UGT1A4: variants seen among roughly 807,000 people sequenced by gnomAD.
The protein encoded by UGT1A4 is UDP glucuronosyltransferase family 1 member A4.
Under a neutral mutation model 41.1 loss-of-function variants are expected in UGT1A4, and 32 were observed. The observed-to-expected ratio is 0.78, with a 90% confidence interval of 0.59 to 1.05. The LOEUF is 1.05. Among genes scored for constraint, UGT1A4 ranks in the 50% least tolerant of loss-of-function variants. The pLI, the probability that UGT1A4 is intolerant of heterozygous loss-of-function variation, is 0.00. For synonymous variants in UGT1A4, 283 were observed against 265.1 expected, an observed-to-expected ratio of 1.07 and a Z score of -0.66; for missense variants, 748 against 677.4, an observed-to-expected ratio of 1.10 and a Z score of -1.16.
rs1297970201 is a variant in UGT1A4, at chr2:233,751,288, T to C, written c.868-15746T>C. 1.2e-4 allele frequency among the ~76,000 whole-genome samples: 18 copies of C among 151,952 alleles called. 3 individuals are homozygous for C. Among genetic ancestry groups the C allele is most frequent in the African/African-American group, 4.4e-4 (18 of 41,184 alleles). Reference sequence around the variant, plus strand: ...CCTTTTTTTGGCCAGTTTCTCCCATTTGGAATGGGAATATTTACCCAATTT... The same window carrying C: ...CCTTTTTTTGGCCAGTTTCTCCCATCTGGAATGGGAATATTTACCCAATTT... On this transcript the variant is annotated intron_variant, in intron 1 of 4. Transcript: ENST00000373409.
At chr2:233,730,685 C>T (rs917184684) in intron 1 of UGT1A4, among the ~76,000 whole-genome samples, 1 of 152,042 alleles carries the variant, frequency 6.6e-6, no homozygotes, top group Admixed American at 6.6e-5. Flanking sequence ...GGTTGCATCT[C>T]AAATGATTCT....
chr2:233,752,937 C>A (rs1656534777), intron 1 of UGT1A4, among the ~76,000 whole-genome samples: 1 of 152,230 alleles, frequency 6.6e-6, no homozygotes, highest in African/African-American at 2.4e-5. Flanking sequence ...CCACTCTTTG[C>A]TGACCACTGA....
intron 1 of UGT1A4, among the ~76,000 whole-genome samples, chr2:233,765,988 G>A (rs909645564): frequency 6.6e-6 from 1 of 152,138 alleles, no homozygotes; most frequent in Non-Finnish European, 1.5e-5. Flanking sequence ...AGCTCCTGAA[G>A]CTCCAGTGGG....
intron 1 of UGT1A4, among the ~76,000 whole-genome samples, chr2:233,749,604 A>G (rs7556676): frequency 0.45 from 68,782 of 151,558 alleles, 16,251 homozygotes; most frequent in South Asian, 0.58. Flanking sequence ...GTCACACTAG[A>G]TTTATCATGA....
rs1047777533 is a variant in UGT1A4 at position 233,760,225 on chromosome 2, G to T, written c.868-6809G>T. ...AAACATTAACTTGGTGTATCGATTG[G>T]TTTTTGCCATATATATATATATAAG... On this transcript the variant is annotated intron_variant, in intron 1 of 4. Coordinates refer to ENST00000373409, the MANE Select transcript of UGT1A4 (RefSeq NM_007120.3). 3.2e-6 allele frequency: 5 copies of T among 1,585,120 alleles called. No individual in the cohort carries two copies. The African/African-American group carries it at 4.5e-5, about 14-fold the overall frequency.
intron 1 of UGT1A4, chr2:233,743,466 A>C (rs1692304653): frequency 7.3e-7 from 1 of 1,366,560 alleles, no homozygotes; most frequent in South Asian, 1.1e-5. Flanking sequence ...AAACACCCCC[A>C]AAAGCTGGAA....
chr2:233,765,082 C>T (rs2741017), intron 1 of UGT1A4, among the ~76,000 whole-genome samples: 1 of 152,198 alleles, frequency 6.6e-6, no homozygotes, highest in South Asian at 2.1e-4. Context: ...TGTCTCACAT[C>T]TAGGGTGACC....
chr2:233,721,880 C>A, intron 1 of UGT1A4: 1 of 494,092 alleles, frequency 2.0e-6, no homozygotes, highest in Admixed American at 2.1e-5. Flanking sequence ...CTTGCCAGCC[C>A]CTCCATTGCA....
chr2:233,729,508 T>C (rs1302187819), intron 1 of UGT1A4: 3 of 1,614,204 alleles, frequency 1.9e-6, no homozygotes, highest in African/African-American at 1.3e-5. Flanking sequence ...TCATAGGTCT[T>C]GTGTGGAGCT....
intron 1 of UGT1A4, among the ~76,000 whole-genome samples, chr2:233,722,679 C>T (rs2125688631): frequency 6.6e-6 from 1 of 152,152 alleles, no homozygotes; most frequent in African/African-American, 2.4e-5. Flanking sequence ...GTAAAAATTG[C>T]TGTTCTTTTC....
At chr2:233,754,973 G>T in intron 1 of UGT1A4, 1 of 1,299,560 alleles carries the variant, frequency 7.7e-7, no homozygotes, top group Non-Finnish European at 1.0e-6. Flanking sequence ...ACTCCCTGAA[G>T]ACCTCGGCGG....
intron 1 of UGT1A4, 27 bp from the exon 2 acceptor site, chr2:233,767,007 A>T: frequency 6.2e-7 from 1 of 1,613,842 alleles, no homozygotes; most frequent in Non-Finnish European, 8.5e-7. Flanking sequence ...AGAAAAAATT[A>T]ACTGAAAATT....
intron 1 of UGT1A4, among the ~76,000 whole-genome samples, chr2:233,765,573 A>C (rs1448763178): frequency 2.6e-5 from 4 of 152,132 alleles, no homozygotes; most frequent in Admixed American, 6.5e-5. Context: ...GCGTAGACGC[A>C]GGGAGGGGAA....
intron 1 of UGT1A4, among the ~76,000 whole-genome samples, chr2:233,726,759 A>G (rs763773622): frequency 6.6e-6 from 1 of 152,232 alleles, no homozygotes; most frequent in South Asian, 2.1e-4. Flanking sequence ...TGCCTACCAC[A>G]GACACTAAGC....
chr2:233,769,558 G>A lies in UGT1A4; in HGVS notation c.1307+1119G>A. On this transcript the variant is annotated intron_variant, in intron 4 of 4. Coordinates refer to ENST00000373409, the MANE Select transcript of UGT1A4 (RefSeq NM_007120.3). This position sits in a 1 kb window ranked among gnomAD's most constrained non-coding sequence, Gnocchi z 4.4. ...AGAAGCAGCAGTCAGGAAGACAGAT[G>A]TGAAGAGCTGGAGCATGTTCAGATG... 2 of 1,612,872 alleles carry A rather than the reference G, an allele frequency of 1.2e-6. No individual in the cohort carries two copies. The highest frequency in any genetic ancestry group is 1.7e-6 in the Non-Finnish European group (2 of 1,179,832).
intron 1 of UGT1A4, among the ~76,000 whole-genome samples, chr2:233,750,965 G>A (rs1482754384): frequency 1.3e-5 from 2 of 151,940 alleles, no homozygotes; most frequent in Admixed American, 6.5e-5. Context: ...CTGGGGCACT[G>A]CCTAGTGGAG....
chr2:233,768,067 T>C, intron 3 of UGT1A4, 131 bp downstream of exon 3: 1 of 1,596,454 alleles, frequency 6.3e-7, no homozygotes, highest in Non-Finnish European at 8.5e-7. Context: ...GCTTTTTATC[T>C]AGTGGGGTAT....
In UGT1A4 at chr2:233,719,251, C is replaced by A; in HGVS notation, c.431C>A (p.Thr144Asn). The A allele has an allele frequency of 6.2e-7, 1 of 1,614,174 alleles. No individual in the cohort carries two copies. Among genetic ancestry groups the A allele is most frequent in the Non-Finnish European group, 8.5e-7 (1 of 1,180,026 alleles). ...GCCCTGATCAGGCACCTGAATGCTA[C>A]TTCCTTTGATGTGGTTTTAACAGAC... ...NEALIRHLNA[T>N]SFDVVLTDPV... The change falls in exon 1 of 5, where the codon ACT (threonine) becomes AAT (asparagine). Residue 144 changes from threonine to asparagine, a missense_variant. Transcript: ENST00000373409.
Position 233,772,885 on chromosome 2 carries a change from A to C in UGT1A4, c.*326A>C. ...GGCCTGTTTGGGAGTGCGGGATTCA[A>C]AGGTGGTCCCACGGCTGCCCCTACT... On this transcript the variant is annotated 3_prime_UTR_variant, in exon 5 of 5. Transcript: ENST00000373409. 1.8e-6 allele frequency: 1 copy of C among 555,428 alleles called. No individual in the cohort carries two copies. Among genetic ancestry groups the C allele is most frequent in the Non-Finnish European group, 2.8e-6 (1 of 357,440 alleles). The allele number at this position is 555,428 out of a possible 1,614,324, so 34.4% of individuals were successfully genotyped here.
Sources: gnomAD v4.1 joint callset for allele counts (sites outside exome capture counted in the v4.1 genomes callset) on GRCh38, gnomAD v4.1.1 for gene constraint, Gnocchi (gnomAD v3.1) non-coding constraint, MANE v1.5 for transcripts, NCBI Gene and HGNC (gene_info 2026-07-23, HGNC 2026-07-21) for gene names.